OSBPL8: variants seen among roughly 807,000 people sequenced by gnomAD.
OSBPL8 encodes oxysterol-binding protein-related protein 8.
Under a neutral mutation model 125.5 loss-of-function variants are expected in OSBPL8, and 59 were observed. The observed-to-expected ratio is 0.47, with a 90% confidence interval of 0.38 to 0.58. The LOEUF is 0.58. OSBPL8 is among the 20% of genes least tolerant of loss of function. The probability of loss-of-function intolerance (pLI) is 0.00; values close to 1 mark genes in which losing one functional copy is unlikely to be tolerated. For synonymous variants in OSBPL8, 330 were observed against 338.9 expected (o/e 0.97, Z 0.29); for missense variants, 758 against 1,047.8 (o/e 0.72, Z 3.82).
At chr12:76,365,775 T>C (rs930266861) in intron 21 of OSBPL8, among the ~76,000 whole-genome samples, 1 of 152,214 alleles carries the variant, frequency 6.6e-6, no homozygotes, top group Non-Finnish European at 1.5e-5. Flanking sequence ...CTTCTCTTCC[T>C]AGATTTATGA....
chr12:76,533,130 T>G (rs115863154), intron 1 of OSBPL8, among the ~76,000 whole-genome samples: 1 of 152,174 alleles, frequency 6.6e-6, no homozygotes, highest in African/African-American at 2.4e-5. Context: ...ATGTCAGACA[T>G]AGAACATTTT....
At chr12:76,396,675 G>A (rs1335055550) in intron 8 of OSBPL8, among the ~76,000 whole-genome samples, 5 of 152,084 alleles carry the variant, frequency 3.3e-5, no homozygotes, top group Non-Finnish European at 7.4e-5. Context: ...AACTGCTTAA[G>A]CACGGGAGGT....
intron 1 of OSBPL8, among the ~76,000 whole-genome samples, chr12:76,506,041 G>T (rs542427845): frequency 4.4e-4 from 67 of 152,332 alleles, no homozygotes; most frequent in Non-Finnish European, 8.7e-4. Context: ...ACCGTAGTAG[G>T]AGATGTGATG....
At chr12:76,406,039 T>C (rs935311907) in intron 5 of OSBPL8, among the ~76,000 whole-genome samples, 1 of 152,228 alleles carries the variant, frequency 6.6e-6, no homozygotes, top group African/African-American at 2.4e-5. Context: ...AAGATACTAC[T>C]ACTAATTTAT....
At position 76,505,439 on chromosome 12, in the gene OSBPL8, T is replaced by C. The variant is rs984487025; in HGVS notation, c.-67-17821A>G. On this transcript the variant is annotated intron_variant, in intron 1 of 23. Transcript: ENST00000261183. ...TAATTTTCTTTTTGCTTGAAGTACC[T>C]GTAGTAATTTATTTTCCTCGACGAA... Among the ~76,000 whole-genome samples the C allele has an allele frequency of 2.6e-5, 4 of 152,204 alleles. No individual in the cohort carries two copies. The East Asian group carries it at 7.7e-4, about 29-fold the overall frequency.
At position 76,414,791 on chromosome 12, in the gene OSBPL8, C is replaced by T. The variant is rs143081361; in HGVS notation, c.218-4157G>A. Among the ~76,000 whole-genome samples the T allele has an allele frequency of 2.9e-3, 443 of 152,208 alleles. 2 individuals are homozygous for T. Among genetic ancestry groups the T allele is most frequent in the African/African-American group, 0.01 (426 of 41,534 alleles). On this transcript the variant is annotated intron_variant, in intron 4 of 23. Coordinates refer to ENST00000261183, the MANE Select transcript of OSBPL8 (RefSeq NM_020841.5). ...ATACAGATATTTAAGGAAGTTCACTCCTTCTAGTTTTCTAAGAGTTAACAA... is the reference window on the plus strand; with the variant it reads ...ATACAGATATTTAAGGAAGTTCACTTCTTCTAGTTTTCTAAGAGTTAACAA...
intron 1 of OSBPL8, among the ~76,000 whole-genome samples, chr12:76,529,886 T>A (rs1950286696): frequency 6.6e-6 from 1 of 152,182 alleles, no homozygotes; most frequent in African/African-American, 2.4e-5. Context: ...AATGTAGTCA[T>A]CACATAAACC....
chr12:76,538,193 T>A (rs2137398897), intron 1 of OSBPL8, among the ~76,000 whole-genome samples: 1 of 152,302 alleles, frequency 6.6e-6, no homozygotes, highest in East Asian at 1.9e-4. Flanking sequence ...CCATATATTA[T>A]ACATCAATGT....
intron 4 of OSBPL8, among the ~76,000 whole-genome samples, chr12:76,447,546 A>ATT (rs569373281): frequency 6.8e-6 from 1 of 147,718 alleles, no homozygotes; most frequent in Non-Finnish European, 1.5e-5. Flanking sequence ...GCCTAGATCC[A>ATT]TTTTTTTTTT....
intron 4 of OSBPL8, among the ~76,000 whole-genome samples, chr12:76,431,467 TAG>T (rs1471467748): frequency 6.6e-6 from 1 of 152,006 alleles, no homozygotes; most frequent in African/African-American, 2.4e-5. Context: ...TCAAAAGAAA[TAG>T]AGTCACTGAA....
Position 76,398,829 on chromosome 12 carries a change from T to C in OSBPL8, c.469-932A>G, listed in dbSNP as rs746139844. Among the ~76,000 whole-genome samples the C allele has an allele frequency of 4.6e-5, 7 of 152,092 alleles. No individual in the cohort carries two copies. The South Asian group carries it at 6.2e-4, about 14-fold the overall frequency. ...AAGAAAAGAGAAAATCTAAGATACA[T>C]GTATATGTAAAAGAATGGTAAGACA... On this transcript the variant is annotated intron_variant, in intron 7 of 23. Transcript: ENST00000261183.
At chr12:76,499,339 TATCTATCTATC>T (rs1362615367) in intron 1 of OSBPL8, among the ~76,000 whole-genome samples, 5 of 118,058 alleles carry the variant, frequency 4.2e-5, no homozygotes, top group African/African-American at 1.0e-4. Context: ...TCTATCTATC[TATCTATCTATC>T]ATCTATCTAT....
chr12:76,375,594 T>C (rs2136217770), intron 16 of OSBPL8, among the ~76,000 whole-genome samples: 2 of 152,270 alleles, frequency 1.3e-5, no homozygotes, highest in Middle Eastern at 6.8e-3. Flanking sequence ...TAAATTCACC[T>C]ACTCAGTAAA....
In OSBPL8 at chr12:76,373,325, T is replaced by A. The variant is rs190093541; in HGVS notation, c.1917+19A>T. 6.2e-6 allele frequency: 9 copies of A among 1,460,602 alleles called. No homozygotes were observed. In the African/African-American group the frequency reaches 1.3e-4, roughly 21 times the overall value. The allele number at this position is 1,460,602 out of a possible 1,614,324, so 90.5% of individuals were successfully genotyped here. The stretch of plus-strand genomic sequence containing the variant: ...CAGAATAAAATTCTTTTTGTAAAGC[T>A]CATATACAAAATACTTACCCAATGA... On this transcript the variant is annotated intron_variant, in intron 18 of 23. Coordinates refer to ENST00000261183, the MANE Select transcript of OSBPL8 (RefSeq NM_020841.5).
At chr12:76,479,942 G>A (rs952359461) in intron 2 of OSBPL8, among the ~76,000 whole-genome samples, 6 of 152,100 alleles carry the variant, frequency 3.9e-5, no homozygotes, top group South Asian at 4.2e-4. Context: ...CGAGGCTGGC[G>A]GATCACCTGA....
intron 7 of OSBPL8, 140 bp downstream of exon 7, chr12:76,399,733 C>T: frequency 1.8e-6 from 1 of 570,478 alleles, no homozygotes; most frequent in South Asian, 3.0e-5. Flanking sequence ...TCCGGGAATA[C>T]AATAATAGTT....
intron 4 of OSBPL8, chr12:76,422,781 T>G: frequency 3.2e-6 from 1 of 316,878 alleles, no homozygotes; most frequent in Non-Finnish European, 6.4e-6. Flanking sequence ...CACACACATT[T>G]AACAGCAAAG....
intron 2 of OSBPL8, 111 bp from the exon 3 acceptor site, chr12:76,460,006 TAGTTTATA>T: frequency 9.8e-7 from 1 of 1,019,910 alleles, no homozygotes; most frequent in South Asian, 1.3e-5. Context: ...AAAATAGCAT[TAGTTTATA>T]AGTAGAAAGC....
chr12:76,375,250 T>C, intron 17 of OSBPL8, 23 bp downstream of exon 17: 1 of 1,478,354 alleles, frequency 6.8e-7, no homozygotes, highest in South Asian at 1.2e-5. Flanking sequence ...AGCTAGGTGA[T>C]ACCTACTGTA....
Sources: allele counts gnomAD v4.1 joint callset (sites outside exome capture counted in the v4.1 genomes callset), GRCh38; gene constraint gnomAD v4.1.1; transcripts MANE v1.5; gene names NCBI Gene and HGNC (gene_info 2026-07-23, HGNC 2026-07-21).